BSG: variants seen among roughly 807,000 people sequenced by gnomAD.
The protein encoded by BSG is basigin (Ok blood group), also known as basigin.
BSG carries 37 observed loss-of-function variants against 43.1 expected under a neutral mutation model. That is an observed-to-expected ratio of 0.86 (90% CI 0.66 to 1.13). The LOEUF is 1.13. Among genes scored for constraint, BSG ranks in the 50% most tolerant of loss-of-function variants. The probability of loss-of-function intolerance (pLI) is 0.00; values close to 1 mark genes in which losing one functional copy is unlikely to be tolerated. For synonymous variants in BSG, 309 were observed against 238.7 expected (o/e 1.29, Z -2.72); for missense variants, 599 against 554.2 (o/e 1.08, Z -0.81).
chr19:576,916 C>T (rs1231580882), intron 1 of BSG, among the ~76,000 whole-genome samples: 1 of 151,992 alleles, frequency 6.6e-6, no homozygotes, highest in Non-Finnish European at 1.5e-5. Flanking sequence ...CGTGTGCACG[C>T]ATATGCACGT....
intron 6 of BSG, among the ~76,000 whole-genome samples, chr19:581,926 G>A (rs1306310513): frequency 6.6e-6 from 1 of 152,280 alleles, no homozygotes; most frequent in Non-Finnish European, 1.5e-5. Flanking sequence ...GGAACCTGAG[G>A]TCAGCCATGC....
Position 572,720 on chromosome 19 carries a change from G to A in BSG, c.67+19G>A. On this transcript the variant is annotated intron_variant, in intron 1 of 8. Transcript: ENST00000333511. Reference sequence around the variant, plus strand: ...GGGGCTGGTGAGGAGCGGGTAGGGGGCGGGGGTGCGGTCCTGCAGGGGCCG... The same window carrying A: ...GGGGCTGGTGAGGAGCGGGTAGGGGACGGGGGTGCGGTCCTGCAGGGGCCG... 1 of 1,463,730 alleles carries A rather than the reference G, an allele frequency of 6.8e-7. No homozygotes were observed. The highest frequency in any genetic ancestry group is 9.1e-7 in the Non-Finnish European group (1 of 1,100,318). The allele number at this position is 1,463,730 out of a possible 1,614,324, so 90.7% of individuals were successfully genotyped here.
Position 582,783 on chromosome 19 carries a change from G to A in BSG, c.*39G>A, listed in dbSNP as rs889920637. 32 of 604,044 alleles carry A rather than the reference G, an allele frequency of 5.3e-5. No homozygotes were observed. Among genetic ancestry groups the A allele is most frequent in the East Asian group, 2.8e-4 (10 of 35,136 alleles). The allele number at this position is 604,044 out of a possible 1,614,324, so 37.4% of individuals were successfully genotyped here. ...AGGACGCTCCCTGCTCCACGTCTGC[G>A]CCGCCGCCGGAGTCCACTCCCAGTG... On this transcript the variant is annotated 3_prime_UTR_variant, in exon 9 of 9. Transcript: ENST00000333511.
rs575502711 is a variant in BSG, at chr19:579,790, G to A, written c.572+134G>A. 582 of 1,355,040 alleles carry A rather than the reference G, an allele frequency of 4.3e-4. 4 individuals are homozygous for A. The South Asian group carries it at 7.6e-3, about 18-fold the overall frequency. The allele number at this position is 1,355,040 out of a possible 1,614,324, so 83.9% of individuals were successfully genotyped here. On this transcript the variant is annotated intron_variant, in intron 3 of 8. Coordinates refer to ENST00000333511, the MANE Select transcript of BSG (RefSeq NM_001728.4). ...GGCGGAAGTTAGGGACCAGCTCCGC[G>A]CAGACCCCCAGAGGGAAACCCCAGG...
intron 5 of BSG, among the ~76,000 whole-genome samples, chr19:580,994 C>T (rs1982258562): frequency 1.5e-5 from 2 of 132,220 alleles, no homozygotes; most frequent in African/African-American, 2.9e-5. Context: ...CTGGGGGTCC[C>T]GGACCCAGCC....
At chr19:579,103 TG>T (rs1342690910) in intron 2 of BSG, 1 of 463,334 alleles carries the variant, frequency 2.2e-6, no homozygotes, top group Non-Finnish European at 4.3e-6. Flanking sequence ...AAGAGCTCGA[TG>T]CCCTGGTCCC....
intron 6 of BSG, among the ~76,000 whole-genome samples, chr19:581,848 C>T (rs1982355980): frequency 2.0e-5 from 3 of 152,260 alleles, no homozygotes. Flanking sequence ...TTCCCTCCCG[C>T]TCACTTGGCT....
intron 1 of BSG, among the ~76,000 whole-genome samples, chr19:576,898 C>G (rs773771116): frequency 7.2e-5 from 11 of 152,216 alleles, no homozygotes; most frequent in Non-Finnish European, 1.5e-4. Context: ...GCCACGCAGC[C>G]TCGGAGCCGT....
At chr19:571,284 G>C (rs1421543080), upstream of BSG, 5 of 563,158 alleles carry the variant, frequency 8.9e-6, no homozygotes, top group Non-Finnish European at 1.6e-5. Flanking sequence ...CTTCCCGCCA[G>C]TGTAGCCACA....
At chr19:573,048 C>T (rs1251082196) in intron 1 of BSG, among the ~76,000 whole-genome samples, 1 of 152,152 alleles carries the variant, frequency 6.6e-6, no homozygotes, top group African/African-American at 2.4e-5. Context: ...TCTTGCTTTT[C>T]GGTCACCTGG....
chr19:581,615 A>G, intron 6 of BSG, 24 bp downstream of exon 6: 3 of 1,561,720 alleles, frequency 1.9e-6, no homozygotes, highest in East Asian at 4.7e-5. Flanking sequence ...CCTCCTGCCC[A>G]CATGCCCTGC....
intron 2 of BSG, chr19:578,757 T>C (rs1982007321): frequency 7.8e-6 from 2 of 255,742 alleles, no homozygotes; most frequent in South Asian, 3.6e-5. Flanking sequence ...TTCCTGGAGA[T>C]GGAGTCTTGC....
In BSG at chr19:579,521, T is replaced by G. The variant is rs1374983742; in HGVS notation, c.437T>G (p.Val146Gly). 6.2e-7 allele frequency: 1 copy of G among 1,612,692 alleles called. No individual in the cohort carries two copies. Among genetic ancestry groups the G allele is most frequent in the Non-Finnish European group, 8.5e-7 (1 of 1,179,906 alleles). Residue 146 changes from valine to glycine, a missense_variant, in exon 3 of 9, where the codon GTA becomes GGA. Physicochemically the swap from Val to Gly is moderately radical, Grantham distance 109 (BLOSUM62 -3). Transcript: ENST00000333511. Reference sequence around the variant, plus strand: ...GCAGCCGGCACAGTCTTCACTACCGTAGAAGACCTTGGCTCCAAGATACTC... The same window carrying G: ...GCAGCCGGCACAGTCTTCACTACCGGAGAAGACCTTGGCTCCAAGATACTC... ...VLEPGTVFTT[V>G]EDLGSKILLT...
At chr19:574,835 A>G (rs913952718) in intron 1 of BSG, among the ~76,000 whole-genome samples, 9 of 152,168 alleles carry the variant, frequency 5.9e-5, no homozygotes, top group African/African-American at 1.9e-4. Flanking sequence ...CACTGCGGCC[A>G]GCTCTCTGGG....
intron 1 of BSG, 83 bp downstream of exon 1, chr19:572,784 G>A: frequency 1.5e-6 from 2 of 1,293,254 alleles, no homozygotes; most frequent in Non-Finnish European, 2.0e-6. Flanking sequence ...GCCGACGGGA[G>A]CCTGGGGCCT....
At chr19:581,261 G>A in intron 5 of BSG, 54 bp from the exon 6 acceptor site, 1 of 1,561,170 alleles carries the variant, frequency 6.4e-7, no homozygotes, top group Non-Finnish European at 8.7e-7. Context: ...TCAGGACTGG[G>A]TGAGGGGCCT....
In BSG at chr19:572,642, C is replaced by T; in HGVS notation, c.8C>T (p.Ala3Val). 3 of 1,504,102 alleles carry T rather than the reference C, an allele frequency of 2.0e-6. No homozygotes were observed. The highest frequency in any genetic ancestry group is 8.9e-7 in the Non-Finnish European group (1 of 1,124,928). The allele number at this position is 1,504,102 out of a possible 1,614,324, so 93.2% of individuals were successfully genotyped here. Reference protein sequence around the residue: MAAALFVLLGFAL... With the variant: MAVALFVLLGFAL... ...CGGCGAGGAATAGGAATCATGGCGG[C>T]TGCGCTGTTCGTGCTGCTGGGATTC... The change falls in exon 1 of 9, where the codon GCT becomes GTT. Residue 3 changes from alanine (A) to valine (V), a missense_variant. Ala to Val is a moderately conservative substitution (Grantham distance 64, BLOSUM62 0). Transcript: ENST00000333511.
At chr19:576,914 C>T (rs1274753470) in intron 1 of BSG, among the ~76,000 whole-genome samples, 2 of 152,004 alleles carry the variant, frequency 1.3e-5, no homozygotes, top group African/African-American at 2.4e-5. Context: ...GCCGTGTGCA[C>T]GCATATGCAC....
upstream of BSG, chr19:572,316 T>C (rs981686092): frequency 1.1e-6 from 1 of 935,458 alleles, no homozygotes. Flanking sequence ...CTGCGCTCAT[T>C]GCAACTTTGA....
Sources: gnomAD v4.1 joint callset for allele counts (sites outside exome capture counted in the v4.1 genomes callset) on GRCh38, gnomAD v4.1.1 for gene constraint, MANE v1.5 for transcripts, NCBI Gene and HGNC (gene_info 2026-07-23, HGNC 2026-07-21) for gene names.